RANBP2: variants seen among roughly 807,000 people sequenced by gnomAD.
The protein encoded by RANBP2 is RAN binding protein 2, also known as E3 SUMO-protein ligase RanBP2.
RANBP2 carries 57 observed loss-of-function variants against 303.6 expected under a neutral mutation model. The ratio of observed to expected loss-of-function variants is 0.19; its 90% CI spans 0.15 to 0.23. The LOEUF (loss-of-function observed/expected upper bound fraction) is 0.23, where lower values mean the gene tolerates loss of function less well. Ranked by LOEUF, RANBP2 falls within the 10% of genes least tolerant of loss-of-function variation. The probability of loss-of-function intolerance (pLI) is 1.00; values close to 1 mark genes in which losing one functional copy is unlikely to be tolerated. For missense variants in RANBP2, 3,138 were observed against 3,780.8 expected, an observed-to-expected ratio of 0.83 and a Z score of 4.46; for synonymous variants, 1,167 against 1,301.5, an observed-to-expected ratio of 0.90 and a Z score of 2.23.
At chr2:108,960,213 A>G in the RANBP2 span, among the ~76,000 whole-genome samples, 3 of 152,164 alleles carry the variant, frequency 2.0e-5, no homozygotes, top group Admixed American at 6.5e-5. Flanking sequence ...CCGGGGCTGC[A>G]GTTTCTCTAT....
At chr2:109,309,670 A>G in the RANBP2 span, among the ~76,000 whole-genome samples, 1 of 128,824 alleles carries the variant, frequency 7.8e-6, no homozygotes, top group South Asian at 2.4e-4. Context: ...TACCAAGCAA[A>G]TGGAAAACAA....
chr2:109,613,713 AC>A, the RANBP2 span: 1 of 915,472 alleles, frequency 1.1e-6, no homozygotes, highest in African/African-American at 1.7e-5. Context: ...CCCGGGCCGG[AC>A]CAGGGGGCCG....
At chr2:109,702,273 T>TA in the RANBP2 span, among the ~76,000 whole-genome samples, 4 of 152,112 alleles carry the variant, frequency 2.6e-5, no homozygotes, top group African/African-American at 9.7e-5. Flanking sequence ...CTTGGAGGGT[T>TA]AAAAAACCCC....
At chr2:109,340,277 C>T in the RANBP2 span, among the ~76,000 whole-genome samples, 1 of 152,116 alleles carries the variant, frequency 6.6e-6, no homozygotes, top group Non-Finnish European at 1.5e-5. Context: ...TAAGGCCAAG[C>T]TCACAGGGTT....
chr2:109,483,187 C>A, the RANBP2 span, among the ~76,000 whole-genome samples: 1 of 152,230 alleles, frequency 6.6e-6, no homozygotes, highest in Non-Finnish European at 1.5e-5. Flanking sequence ...CTTTTAATTA[C>A]CTTTTCCCCA....
chr2:109,425,523 C>CT, the RANBP2 span, among the ~76,000 whole-genome samples: 15 of 152,304 alleles, frequency 9.8e-5, no homozygotes, highest in East Asian at 1.9e-3. Context: ...GCTGGTGACT[C>CT]TAAGTGAAGC....
the RANBP2 span, among the ~76,000 whole-genome samples, chr2:109,420,647 G>A: frequency 6.6e-6 from 1 of 152,044 alleles, no homozygotes; most frequent in African/African-American, 2.4e-5. Context: ...GGGTTTCACC[G>A]TGTTAGCCAG....
chr2:109,064,953 C>A, the RANBP2 span, among the ~76,000 whole-genome samples: 1 of 152,112 alleles, frequency 6.6e-6, no homozygotes, highest in Non-Finnish European at 1.5e-5. Context: ...AAAAATTTCA[C>A]GAGATTTTGG....
At chr2:108,958,595 G>A in the RANBP2 span, among the ~76,000 whole-genome samples, 1,522 of 152,164 alleles carry the variant, frequency 0.01, 18 homozygotes, top group African/African-American at 0.034. Flanking sequence ...CCCCATGGCC[G>A]CCCTATTGCT....
the RANBP2 span, among the ~76,000 whole-genome samples, chr2:108,939,335 C>T: frequency 3.3e-5 from 5 of 152,160 alleles, no homozygotes; most frequent in East Asian, 1.9e-4. Context: ...TACAGGCGTG[C>T]GCCACCACAC....
At chr2:109,369,798 G>A in the RANBP2 span, among the ~76,000 whole-genome samples, 3 of 152,120 alleles carry the variant, frequency 2.0e-5, no homozygotes, top group Non-Finnish European at 4.4e-5. Flanking sequence ...GGCCCCCTCC[G>A]CTCCCGGTGA....
the RANBP2 span, among the ~76,000 whole-genome samples, chr2:109,310,619 A>G: frequency 1.3e-5 from 1 of 74,794 alleles, no homozygotes; most frequent in Non-Finnish European, 2.3e-5. Context: ...AAAAAAAGAG[A>G]GAAGAATCAA....
the RANBP2 span, among the ~76,000 whole-genome samples, chr2:109,036,732 G>A: frequency 1.3e-5 from 2 of 152,150 alleles, no homozygotes; most frequent in East Asian, 1.9e-4. Context: ...CCTAGGCTGG[G>A]CACAGTAGCT....
the RANBP2 span, among the ~76,000 whole-genome samples, chr2:109,598,942 T>C: frequency 5.3e-5 from 8 of 151,806 alleles, no homozygotes; most frequent in African/African-American, 1.7e-4. Flanking sequence ...TTCAGGAGGG[T>C]GGGGTATTTG....
intron 17 of RANBP2, among the ~76,000 whole-genome samples, chr2:108,756,128 G>C (rs1407591681): frequency 6.6e-6 from 1 of 152,108 alleles, no homozygotes; most frequent in Non-Finnish European, 1.5e-5. Flanking sequence ...ATAAGAGTTC[G>C]TGGCACAGAG....
At chr2:109,332,955 G>A in the RANBP2 span, among the ~76,000 whole-genome samples, 1 of 152,226 alleles carries the variant, frequency 6.6e-6, no homozygotes, top group Non-Finnish European at 1.5e-5. Context: ...GTGAGACCTT[G>A]GTGGTCCCAA....
At chr2:108,813,019 ATG>A in the RANBP2 span, 3 of 967,196 alleles carry the variant, frequency 3.1e-6, no homozygotes, top group Non-Finnish European at 4.7e-6. Context: ...GGAGGCTGAG[ATG>A]GGCGGATCAC....
chr2:109,244,467 G>A, the RANBP2 span, among the ~76,000 whole-genome samples: 1 of 152,194 alleles, frequency 6.6e-6, no homozygotes, highest in Non-Finnish European at 1.5e-5. Context: ...TCTTCCTGAT[G>A]TGTTGGAACT....
At chr2:109,574,448 A>T in the RANBP2 span, 1,614 of 536,478 alleles carry the variant, frequency 3.0e-3, 13 homozygotes, top group African/African-American at 0.029. Context: ...ATCTCTAAAA[A>T]AAAAAAAAAA....
Sources: gnomAD v4.1 joint callset for allele counts (sites outside exome capture counted in the v4.1 genomes callset) on GRCh38, gnomAD v4.1.1 for gene constraint, MANE v1.5 for transcripts, NCBI Gene and HGNC (gene_info 2026-07-23, HGNC 2026-07-21) for gene names.